The following PARD3B variants were observed in gnomAD, a reference collection of about 807,000 sequenced individuals.
The protein encoded by PARD3B is partitioning defective 3 homolog B.
PARD3B carries 103 observed loss-of-function variants against 130.2 expected under a neutral mutation model. That is an observed-to-expected ratio of 0.79 (90% CI 0.67 to 0.93). The LOEUF is 0.93. Among genes scored for constraint, PARD3B ranks in the 40% least tolerant of loss-of-function variants. The pLI is 0.00. For synonymous variants in PARD3B, 583 were observed against 553.2 expected (o/e 1.05, Z -0.76); for missense variants, 1,609 against 1,499.2 (o/e 1.07, Z -1.21).
At chr2:205,387,830 G>A (rs376013739) in intron 18 of PARD3B, among the ~76,000 whole-genome samples, 9 of 152,124 alleles carry the variant, frequency 5.9e-5, no homozygotes, top group Non-Finnish European at 8.8e-5. Context: ...CAGTCCAGCC[G>A]TCATCTGAGT....
At chr2:204,779,096 G>T (rs1378859085) in intron 2 of PARD3B, among the ~76,000 whole-genome samples, 1 of 152,074 alleles carries the variant, frequency 6.6e-6, no homozygotes. Flanking sequence ...ACCTGCTGGA[G>T]ATGCTTTAAC....
At chr2:205,553,250 A>G in intron 21 of PARD3B, 74 bp from the exon 22 acceptor site, 1 of 1,411,396 alleles carries the variant, frequency 7.1e-7, no homozygotes, top group Non-Finnish European at 1.0e-6. Flanking sequence ...TGCACTGATT[A>G]TAATTTCGAG....
Position 205,199,471 on chromosome 2 carries a change from A to G in PARD3B, c.2140+6151A>G, listed in dbSNP as rs555899402. 5.1e-4 allele frequency among the ~76,000 whole-genome samples: 78 copies of G among 151,986 alleles called. 1 individual carries two copies. Among genetic ancestry groups the G allele is most frequent in the Admixed American group, 1.0e-3 (16 of 15,270 alleles). The stretch of plus-strand genomic sequence containing the variant: ...ATTTTTACTGTGTGTGTATATACAC[A>G]TACACACACACACACATATATATAC... On this transcript the variant is annotated intron_variant, in intron 15 of 22. Transcript: ENST00000406610.
intron 3 of PARD3B, among the ~76,000 whole-genome samples, chr2:204,977,767 G>T (rs183984126): frequency 2.3e-3 from 330 of 145,936 alleles, no homozygotes; most frequent in Middle Eastern, 7.8e-3. Context: ...AGCCGAGATG[G>T]CGCCACTGCA....
At chr2:205,379,662 C>G (rs542943731) in intron 18 of PARD3B, among the ~76,000 whole-genome samples, 1 of 151,928 alleles carries the variant, frequency 6.6e-6, no homozygotes, top group South Asian at 2.1e-4. Flanking sequence ...TTACTATGTA[C>G]CATCCTAGTA....
chr2:205,067,006 A>T (rs984934043), intron 4 of PARD3B, among the ~76,000 whole-genome samples: 40 of 150,772 alleles, frequency 2.7e-4, no homozygotes, highest in African/African-American at 9.5e-4. Context: ...ATGGAAAGGG[A>T]AGTAAGATGA....
At chr2:204,827,149 T>C (rs891448468) in intron 2 of PARD3B, among the ~76,000 whole-genome samples, 10 of 152,232 alleles carry the variant, frequency 6.6e-5, no homozygotes, top group African/African-American at 2.4e-5. Flanking sequence ...AATGTGACTG[T>C]CATTATTTGT....
intron 22 of PARD3B, among the ~76,000 whole-genome samples, chr2:205,566,737 G>T (rs752947030): frequency 8.5e-5 from 13 of 152,136 alleles, no homozygotes; most frequent in African/African-American, 2.9e-4. Flanking sequence ...AGACCCCAGG[G>T]CATATCAGGG....
At chr2:205,057,518 C>T (rs59838685) in intron 4 of PARD3B, among the ~76,000 whole-genome samples, 132,419 of 133,874 alleles carry the variant, frequency 0.99, 65,497 homozygotes, top group Non-Finnish European at 0.99. Flanking sequence ...TGTGTATGTG[C>T]ATGTGTATAT....
At chr2:205,275,708 G>A (rs1207416) in intron 16 of PARD3B, among the ~76,000 whole-genome samples, 27,120 of 151,404 alleles carry the variant, frequency 0.18, 2,936 homozygotes, top group African/African-American at 0.3. Context: ...ATGGTGGCAG[G>A]CACCTGTAAT....
intron 2 of PARD3B, among the ~76,000 whole-genome samples, chr2:204,839,876 G>C (rs1052372261): frequency 2.6e-5 from 4 of 152,118 alleles, no homozygotes; most frequent in Admixed American, 2.6e-4. Flanking sequence ...TGTCTGTAAG[G>C]CTAGGTTTCT....
In PARD3B at chr2:204,917,252, A is replaced by G. The variant is rs150109139; in HGVS notation, c.223-47900A>G. On this transcript the variant is annotated intron_variant, in intron 2 of 22. Coordinates refer to ENST00000406610, the MANE Select transcript of PARD3B (RefSeq NM_001302769.2). ...CTAAGAAATTTGGCTTTCATTCTCTAGTAGAAGCAGCTATGGAAGGATCTG... is the reference window on the plus strand; with the variant it reads ...CTAAGAAATTTGGCTTTCATTCTCTGGTAGAAGCAGCTATGGAAGGATCTG... Among the ~76,000 whole-genome samples, 569 of 152,276 alleles carry G rather than the reference A, an allele frequency of 3.7e-3. 3 individuals carry two copies. Among genetic ancestry groups the G allele is most frequent in the Non-Finnish European group, 6.1e-3 (415 of 68,016 alleles).
rs372313084 is a variant in PARD3B at position 205,238,886 on chromosome 2, GTATATATATA to G, written c.2141-6878_2141-6869del. 4.3e-5 allele frequency among the ~76,000 whole-genome samples: 4 copies of G among 92,136 alleles called. No homozygotes were observed. The South Asian group carries it at 1.2e-3, about 27-fold the overall frequency. The allele number at this position is 92,136 out of a possible 152,430, so 60.4% of individuals were successfully genotyped here. ...TATATATATATATATATGTATGTGT[GTATATATATA>G]TATATATATATATGTATGTGTATAT... On this transcript the variant is annotated intron_variant, in intron 15 of 22. Coordinates refer to ENST00000406610, the MANE Select transcript of PARD3B (RefSeq NM_001302769.2).
At position 205,473,663 on chromosome 2, in the gene PARD3B, T is replaced by A. The variant is rs1369494994; in HGVS notation, c.3045-26233T>A. On this transcript the variant is annotated intron_variant, in intron 20 of 22. Coordinates refer to ENST00000406610, the MANE Select transcript of PARD3B (RefSeq NM_001302769.2). The surrounding 1 kb of genome is among the most constrained non-coding windows in gnomAD (Gnocchi z 4.9). ...ATATAAGGTTATATATATGTGTGTG[T>A]GTGTGTGTGTGTGTGTGTATGTATA... Among the ~76,000 whole-genome samples, 3 of 99,570 alleles carry A rather than the reference T, an allele frequency of 3.0e-5. No homozygotes were observed. Among genetic ancestry groups the A allele is most frequent in the Non-Finnish European group, 5.6e-5 (3 of 53,438 alleles). The allele number at this position is 99,570 out of a possible 152,430, so 65.3% of individuals were successfully genotyped here.
At chr2:205,370,332 A>G (rs1003751947) in intron 18 of PARD3B, among the ~76,000 whole-genome samples, 15 of 152,220 alleles carry the variant, frequency 9.9e-5, no homozygotes, top group African/African-American at 3.4e-4. Flanking sequence ...AAACAAAAGC[A>G]TATTTAAGTA....
At chr2:205,075,258 A>ACAATG (rs1227615646) in intron 4 of PARD3B, among the ~76,000 whole-genome samples, 37 of 152,254 alleles carry the variant, frequency 2.4e-4, no homozygotes, top group South Asian at 2.3e-3. Flanking sequence ...CGAAAGTTAG[A>ACAATG]CAATGCATTT....
intron 21 of PARD3B, among the ~76,000 whole-genome samples, chr2:205,528,172 A>C (rs1031128201): frequency 1.3e-5 from 2 of 152,126 alleles, no homozygotes; most frequent in African/African-American, 2.4e-5. Context: ...GCCTCTCATG[A>C]AGCCTTCTCC....
At chr2:205,527,007 C>T (rs1295367357) in intron 21 of PARD3B, among the ~76,000 whole-genome samples, 5 of 152,126 alleles carry the variant, frequency 3.3e-5, no homozygotes, top group Non-Finnish European at 5.9e-5. Flanking sequence ...GGCTTTTAGA[C>T]AGTGAAGAAG....
intron 2 of PARD3B, among the ~76,000 whole-genome samples, chr2:204,876,135 CAG>C (rs1264686399): frequency 6.6e-6 from 1 of 152,162 alleles, no homozygotes; most frequent in Admixed American, 6.5e-5. Flanking sequence ...TTGTAACAGT[CAG>C]GGAGTGGATT....
Sources: gnomAD v4.1 joint callset for allele counts (sites outside exome capture counted in the v4.1 genomes callset) on GRCh38, gnomAD v4.1.1 for gene constraint, Gnocchi (gnomAD v3.1) non-coding constraint, MANE v1.5 for transcripts, NCBI Gene and HGNC (gene_info 2026-07-23, HGNC 2026-07-21) for gene names.